TSPEAR: variants seen among roughly 807,000 people sequenced by gnomAD.
TSPEAR encodes the protein thrombospondin-type laminin G domain and EAR repeat-containing protein.
TSPEAR carries 69 observed loss-of-function variants against 71.6 expected under a neutral mutation model. That is an observed-to-expected ratio of 0.96 (90% CI 0.79 to 1.18). The LOEUF (loss-of-function observed/expected upper bound fraction) is 1.18, where lower values mean the gene tolerates loss of function less well. Among genes scored for constraint, TSPEAR ranks in the 50% most tolerant of loss-of-function variants. The probability of loss-of-function intolerance (pLI) is 0.00; values close to 1 mark genes in which losing one functional copy is unlikely to be tolerated. For synonymous variants in TSPEAR, 402 were observed against 387.2 expected (o/e 1.04, Z -0.45); for missense variants, 971 against 894.9 (o/e 1.09, Z -1.09).
intron 2 of TSPEAR, among the ~76,000 whole-genome samples, chr21:44,548,944 T>A (rs1555918095): frequency 2.6e-5 from 4 of 152,204 alleles, no homozygotes; most frequent in African/African-American, 9.6e-5. Context: ...CTCAGAGTCG[T>A]AAGGAAAACG....
chr21:44,650,446 C>CGACGGGGGCAGAGATTGGGGCCACGTGAT (rs1569241028), intron 1 of TSPEAR, among the ~76,000 whole-genome samples: 1 of 152,200 alleles, frequency 6.6e-6, no homozygotes, highest in African/African-American at 2.4e-5. Context: ...GGCCACGTGA[C>CGACGGGGGCAGAGATTGGGGCCACGTGAT]GACGGGGGCA....
Position 44,499,661 on chromosome 21 carries a change from G to T in TSPEAR, c.*122C>A. 2 of 1,100,582 alleles carry T rather than the reference G, an allele frequency of 1.8e-6. No homozygotes were observed. The highest frequency in any genetic ancestry group is 2.5e-6 in the Non-Finnish European group (2 of 804,140). The allele number at this position is 1,100,582 out of a possible 1,614,324, so 68.2% of individuals were successfully genotyped here. On this transcript the variant is annotated 3_prime_UTR_variant, in exon 12 of 12. Coordinates refer to ENST00000323084, the MANE Select transcript of TSPEAR (RefSeq NM_144991.3). ...CCGCAGATGGCCCCACCTGCACCCT[G>T]CCTGATGCCCAGGCCCGGGATGCCC...
At chr21:44,532,367 C>T (rs1365855530) in intron 3 of TSPEAR, among the ~76,000 whole-genome samples, 1 of 152,230 alleles carries the variant, frequency 6.6e-6, no homozygotes, top group Non-Finnish European at 1.5e-5. Context: ...GCAGCATTCA[C>T]GTCCAGCCAG....
chr21:44,563,630 G>A (rs1464415052), intron 2 of TSPEAR, among the ~76,000 whole-genome samples: 5 of 151,998 alleles, frequency 3.3e-5, no homozygotes, highest in African/African-American at 1.2e-4. Flanking sequence ...AAAACATATG[G>A]GAAATAAAAA....
chr21:44,705,841 G>A (rs550896635), intron 1 of TSPEAR, among the ~76,000 whole-genome samples: 84 of 103,028 alleles, frequency 8.2e-4, no homozygotes, highest in Middle Eastern at 5.2e-3. Flanking sequence ...CTATTACCCT[G>A]TTAAGTACTT....
At chr21:44,539,207 G>A (rs2053152966) in intron 2 of TSPEAR, 7 of 1,534,272 alleles carry the variant, frequency 4.6e-6, no homozygotes, top group Middle Eastern at 2.3e-4. Context: ...CCCGTCCTAG[G>A]TGGGGGAAGC....
intron 7 of TSPEAR, 150 bp downstream of exon 7, chr21:44,527,142 G>A (rs1291008315): frequency 2.2e-5 from 16 of 728,274 alleles, no homozygotes; most frequent in Admixed American, 1.5e-4. Flanking sequence ...GTGGGCTCAC[G>A]TGTGCGACTC....
chr21:44,574,925 C>A (rs1555923650), intron 1 of TSPEAR: 3 of 1,612,272 alleles, frequency 1.9e-6, no homozygotes, highest in South Asian at 1.1e-5. Flanking sequence ...CCTGCCAACC[C>A]AGCTGCTGCC....
Position 44,637,431 on chromosome 21 carries a change from C to A in TSPEAR, c.83-69426G>T. The A allele has an allele frequency of 5.6e-6, 9 of 1,607,842 alleles. No homozygotes were observed. The highest frequency in any genetic ancestry group is 6.8e-6 in the Non-Finnish European group (8 of 1,176,902). ...CCCCACTCCAGCATGGCCGCCTCCACCATGTCCATCTGCTCCAGCGCCTGC... is the reference window on the plus strand; with the variant it reads ...CCCCACTCCAGCATGGCCGCCTCCAACATGTCCATCTGCTCCAGCGCCTGC... On this transcript the variant is annotated intron_variant, in intron 1 of 11. Coordinates refer to ENST00000323084, the MANE Select transcript of TSPEAR (RefSeq NM_144991.3).
rs1190009936 is a variant in TSPEAR at position 44,687,633 on chromosome 21, T to G, written c.82+23800A>C. On this transcript the variant is annotated intron_variant, in intron 1 of 11. Transcript: ENST00000323084. This position sits in a 1 kb window ranked among gnomAD's most constrained non-coding sequence, Gnocchi z 4.4. Reference sequence around the variant, plus strand: ...CAGTGGCCATCTCTGGGGGATTGGGTGAAATTGACTGGGGAAGGCAGAAGA... The same window carrying G: ...CAGTGGCCATCTCTGGGGGATTGGGGGAAATTGACTGGGGAAGGCAGAAGA... Among the ~76,000 whole-genome samples the G allele has an allele frequency of 6.6e-6, 1 of 151,632 alleles. No homozygotes were observed. The highest frequency in any genetic ancestry group is 2.4e-5 in the African/African-American group (1 of 41,214).
intron 1 of TSPEAR, among the ~76,000 whole-genome samples, chr21:44,589,391 C>T (rs1601452484): frequency 6.6e-6 from 1 of 152,280 alleles, no homozygotes; most frequent in East Asian, 1.9e-4. Context: ...TGGCTGTTGT[C>T]AGTCATGCTG....
chr21:44,512,150 G>A (rs1386418622), intron 9 of TSPEAR, among the ~76,000 whole-genome samples: 2 of 152,244 alleles, frequency 1.3e-5, no homozygotes, highest in Non-Finnish European at 2.9e-5. Flanking sequence ...CACACAGAGT[G>A]CGGAGCAGGG....
chr21:44,644,075 C>T (rs1471189030), intron 1 of TSPEAR, among the ~76,000 whole-genome samples: 6 of 152,246 alleles, frequency 3.9e-5, no homozygotes, highest in African/African-American at 1.4e-4. Context: ...ACCTCCCTCT[C>T]CCAGCCAGGG....
chr21:44,612,710 A>G lies in TSPEAR; in HGVS notation c.83-44705T>C. ...GGCTTGCTGCACCACCTCCTGCTGC[A>G]GACCCTCCTCCTCCGTGTCCCTCCT... On this transcript the variant is annotated intron_variant, in intron 1 of 11. Transcript: ENST00000323084. This position sits in a 1 kb window ranked among gnomAD's most constrained non-coding sequence, Gnocchi z 4.1. The G allele has an allele frequency of 1.2e-6, 2 of 1,613,410 alleles. No homozygotes were observed. The highest frequency in any genetic ancestry group is 1.7e-6 in the Non-Finnish European group (2 of 1,179,830).
At position 44,692,567 on chromosome 21, in the gene TSPEAR, T is replaced by C. The variant is rs1328108424; in HGVS notation, c.82+18866A>G. Among the ~76,000 whole-genome samples, 3 of 152,046 alleles carry C rather than the reference T, an allele frequency of 2.0e-5. No homozygotes were observed. The South Asian group carries it at 6.2e-4, about 31-fold the overall frequency. On this transcript the variant is annotated intron_variant, in intron 1 of 11. Transcript: ENST00000323084. Reference sequence around the variant, plus strand: ...CATGCATGTTTCTATACACCAGCAATGAAAAATCTGATAAGGAAATTAAGA... The same window carrying C: ...CATGCATGTTTCTATACACCAGCAACGAAAAATCTGATAAGGAAATTAAGA...
intron 1 of TSPEAR, chr21:44,697,560 G>T: frequency 6.2e-7 from 1 of 1,613,116 alleles, no homozygotes; most frequent in Admixed American, 1.7e-5. Flanking sequence ...CCTGTGTGCT[G>T]TATGCCCGTC....
In TSPEAR at chr21:44,538,432, C is replaced by A. The variant is rs997100118; in HGVS notation, c.304-4509G>T. 3.4e-4 allele frequency among the ~76,000 whole-genome samples: 50 copies of A among 146,260 alleles called. 1 individual carries two copies. The Middle Eastern group carries it at 0.014, about 40-fold the overall frequency. On this transcript the variant is annotated intron_variant, in intron 2 of 11. Transcript: ENST00000323084. ...TGTGTGGAAACTGCTGCCCCCCCCC[C>A]CCCCAAGAGGAGAACCTGGGCAGCG...
chr21:44,645,924 G>T lies in TSPEAR; in HGVS notation c.82+65509C>A, dbSNP rs187268180. On this transcript the variant is annotated intron_variant, in intron 1 of 11. Coordinates refer to ENST00000323084, the MANE Select transcript of TSPEAR (RefSeq NM_144991.3). ...GGAGGCTGAGGCGGGTAGATCATGA[G>T]GTCAGGAGTTCAAGACCAGCCTGGC... 2.4e-4 allele frequency among the ~76,000 whole-genome samples: 36 copies of T among 151,306 alleles called. No individual in the cohort carries two copies. In the South Asian group the frequency reaches 7.4e-3, roughly 31 times the overall value.
chr21:44,615,915 G>C (rs1454758261), intron 1 of TSPEAR, among the ~76,000 whole-genome samples: 1 of 152,184 alleles, frequency 6.6e-6, no homozygotes, highest in Non-Finnish European at 1.5e-5. Flanking sequence ...TCTTCATCAA[G>C]GAAAACACGC....
Sources: gnomAD v4.1 joint callset for allele counts (sites outside exome capture counted in the v4.1 genomes callset) on GRCh38, gnomAD v4.1.1 for gene constraint, Gnocchi (gnomAD v3.1) non-coding constraint, MANE v1.5 for transcripts, NCBI Gene and HGNC (gene_info 2026-07-23, HGNC 2026-07-21) for gene names.